The following ARL5B variants were observed in gnomAD, a reference collection of about 807,000 sequenced individuals.
ARL5B encodes ARF like GTPase 5B, also known as ADP-ribosylation factor-like protein 5B.
A neutral mutation model predicts 26.9 loss-of-function variants in ARL5B; 10 were observed. The observed-to-expected ratio is 0.37, with a 90% CI of 0.23 to 0.63. The LOEUF is 0.63. Ranked by LOEUF, ARL5B falls within the 30% of genes least tolerant of loss-of-function variation. ARL5B has a pLI of 0.62. For synonymous variants in ARL5B, 87 were observed against 70.4 expected, an observed-to-expected ratio of 1.24 and a Z score of -1.18; for missense variants, 167 against 213.9, an observed-to-expected ratio of 0.78 and a Z score of 1.37.
intron 2 of ARL5B, among the ~76,000 whole-genome samples, chr10:18,667,683 C>A (rs1390749215): frequency 6.6e-6 from 1 of 151,654 alleles, no homozygotes; most frequent in East Asian, 1.9e-4. Context: ...GGGGTATGAG[C>A]ATCAGTATTC....
intron 4 of ARL5B, among the ~76,000 whole-genome samples, chr10:18,673,187 G>A (rs1323638359): frequency 1.3e-5 from 2 of 151,786 alleles, no homozygotes; most frequent in Admixed American, 6.6e-5. Context: ...TCAGCCTCCC[G>A]AGTAGCTGGG....
chr10:18,675,199 C>G lies in ARL5B; in HGVS notation c.523C>G (p.Arg175Gly), dbSNP rs571052432. 6.8e-6 allele frequency: 11 copies of G among 1,613,324 alleles called. No homozygotes were observed. Among genetic ancestry groups the G allele is most frequent in the Non-Finnish European group, 9.3e-6 (11 of 1,179,416 alleles). ...LCQGLEWMTS[R>G]IGVR ...CCAAGGTCTAGAGTGGATGACCTCC[C>G]GGATTGGTGTGAGATAACTTTTTTG... The change falls in exon 6 of 6, where the codon CGG becomes GGG. Residue 175 changes from arginine to glycine, a missense_variant. Arg to Gly is a moderately radical substitution (Grantham distance 125). Transcript: ENST00000377275.
Position 18,668,656 on chromosome 10 carries a change from C to T in ARL5B, c.234C>T (p.Asn78=). The T allele has an allele frequency of 6.2e-7, 1 of 1,613,880 alleles. No individual in the cohort carries two copies. Among genetic ancestry groups the T allele is most frequent in the African/African-American group, 1.3e-5 (1 of 74,968 alleles). The change falls in exon 3 of 6, where the codon AAC becomes AAT. Residue 78 remains asparagine (N), a synonymous_variant. Coordinates refer to ENST00000377275, the MANE Select transcript of ARL5B (RefSeq NM_178815.5). ...GGQESLRSSW[N]TYYSNTEFII... ...AGGAGTCTCTGCGATCATCCTGGAA[C>T]ACATATTACTCAAATACAGAGGTAT...
In ARL5B at chr10:18,659,700, T is replaced by C; in HGVS notation, c.46+17T>C. 11 of 1,610,154 alleles carry C rather than the reference T, an allele frequency of 6.8e-6. No homozygotes were observed. The highest frequency in any genetic ancestry group is 9.3e-6 in the Non-Finnish European group (11 of 1,178,476). ...GTAACCAAGGTGAGAAGAATGGAGC[T>C]GCGCGGCGGCTCGAATCCGAGGCAG... On this transcript the variant is annotated intron_variant, in intron 1 of 5. Coordinates refer to ENST00000377275, the MANE Select transcript of ARL5B (RefSeq NM_178815.5).
chr10:18,666,203 A>T (rs1212720216), intron 1 of ARL5B, among the ~76,000 whole-genome samples: 1 of 152,232 alleles, frequency 6.6e-6, no homozygotes, highest in Non-Finnish European at 1.5e-5. Flanking sequence ...CTTGATTGGT[A>T]CAGAGCTAAA....
At chr10:18,662,266 C>T (rs534035085) in intron 1 of ARL5B, among the ~76,000 whole-genome samples, 1 of 152,356 alleles carries the variant, frequency 6.6e-6, no homozygotes, top group East Asian at 1.9e-4. Context: ...ACTGATCTTA[C>T]TTTATGTGCT....
chr10:18,671,888 G>A lies in ARL5B; in HGVS notation c.256-734G>A, dbSNP rs575411254. Among the ~76,000 whole-genome samples, 3 of 152,232 alleles carry A rather than the reference G, an allele frequency of 2.0e-5. No homozygotes were observed. In the South Asian group the frequency reaches 6.2e-4, roughly 32 times the overall value. ...GCTAGTCTCAAACTCCTGGGCTCAAGCAGTCATCCCACCTCACCTCCCAGA... is the reference window on the plus strand; with the variant it reads ...GCTAGTCTCAAACTCCTGGGCTCAAACAGTCATCCCACCTCACCTCCCAGA... On this transcript the variant is annotated intron_variant, in intron 3 of 5. Transcript: ENST00000377275.
intron 1 of ARL5B, chr10:18,659,908 G>C: frequency 1.0e-6 from 1 of 985,360 alleles, no homozygotes; most frequent in Non-Finnish European, 1.2e-6. Flanking sequence ...TGGCGTCCCA[G>C]AATCCAAACT....
At chr10:18,663,029 T>A (rs1564863038) in intron 1 of ARL5B, among the ~76,000 whole-genome samples, 1 of 147,370 alleles carries the variant, frequency 6.8e-6, no homozygotes, top group Non-Finnish European at 1.5e-5. Context: ...TTTTATTTAT[T>A]ATTGTTATAT....
rs755056319 is a variant in ARL5B, at chr10:18,679,488, G to A, written c.*4272G>A. On this transcript the variant is annotated 3_prime_UTR_variant, in exon 6 of 6. Transcript: ENST00000377275. ...TATTCAAGGTTAGTTTTTCAGTAGC[G>A]TCTCCTCCTTATTCATTCACTTTTA... 31 of 151,730 alleles carry A rather than the reference G, an allele frequency of 2.0e-4. No homozygotes were observed. The highest frequency in any genetic ancestry group is 6.6e-5 in the Admixed American group (1 of 15,198). 9.4% of individuals were successfully genotyped at this position (151,730 alleles called of 1,614,324 possible).
intron 3 of ARL5B, among the ~76,000 whole-genome samples, chr10:18,671,133 C>T (rs571700043): frequency 7.9e-5 from 12 of 152,122 alleles, no homozygotes; most frequent in Non-Finnish European, 1.8e-4. Flanking sequence ...CTTCTAAGCC[C>T]AACTCAGTTT....
rs148636273 is a variant in ARL5B, at chr10:18,676,559, C to T, written c.*1343C>T. On this transcript the variant is annotated 3_prime_UTR_variant, in exon 6 of 6. Coordinates refer to ENST00000377275, the MANE Select transcript of ARL5B (RefSeq NM_178815.5). ...GGAAAGACAAGTGTCGTATTTCGAT[C>T]CTGTTTATTCAAATGTGTGATTTTG... The T allele has an allele frequency of 3.7e-3, 569 of 151,902 alleles. 3 individuals are homozygous for T. Among genetic ancestry groups the T allele is most frequent in the African/African-American group, 0.012 (518 of 41,468 alleles). The allele number at this position is 151,902 out of a possible 1,614,324, so 9.4% of individuals were successfully genotyped here. A position where few individuals can be genotyped will look rare whatever the true frequency, so the allele number is the denominator to read the frequency against.
chr10:18,668,632 G>A lies in ARL5B; in HGVS notation c.210G>A (p.Gln70=). 1 of 1,614,150 alleles carries A rather than the reference G, an allele frequency of 6.2e-7. No individual in the cohort carries two copies. The highest frequency in any genetic ancestry group is 8.5e-7 in the Non-Finnish European group (1 of 1,180,028). The change falls in exon 3 of 6, where the codon CAG becomes CAA. Residue 70 remains glutamine, a synonymous_variant. Transcript: ENST00000377275. The stretch of plus-strand genomic sequence containing the variant: ...TTCTTATGTGGGATATTGGTGGTCA[G>A]GAGTCTCTGCGATCATCCTGGAACA... The part of the protein sequence containing the change: ...THFLMWDIGG[Q]ESLRSSWNTY...
intron 1 of ARL5B, among the ~76,000 whole-genome samples, chr10:18,664,146 G>A (rs967261551): frequency 1.3e-5 from 2 of 151,720 alleles, no homozygotes; most frequent in African/African-American, 2.4e-5. Flanking sequence ...TAGAGACGGA[G>A]TTTCACCAAA....
chr10:18,676,034 G>A lies in ARL5B; in HGVS notation c.*818G>A, dbSNP rs1019246138. The A allele has an allele frequency of 6.6e-6, 1 of 152,112 alleles. No individual in the cohort carries two copies. Among genetic ancestry groups the A allele is most frequent in the African/African-American group, 2.4e-5 (1 of 41,410 alleles). The allele number at this position is 152,112 out of a possible 1,614,324, so 9.4% of individuals were successfully genotyped here. A position where few individuals can be genotyped will look rare whatever the true frequency, so the allele number is the denominator to read the frequency against. The stretch of plus-strand genomic sequence containing the variant: ...TATCAGAAGTTAGTAAATCATACCA[G>A]CACTAAAAATAAGACAATTGGAATA... On this transcript the variant is annotated 3_prime_UTR_variant, in exon 6 of 6. Coordinates refer to ENST00000377275, the MANE Select transcript of ARL5B (RefSeq NM_178815.5).
At chr10:18,666,467 T>C in intron 1 of ARL5B, 108 bp from the exon 2 acceptor site, 1 of 866,844 alleles carries the variant, frequency 1.2e-6, no homozygotes, top group Non-Finnish European at 1.7e-6. Flanking sequence ...GTGATAGATA[T>C]TCAGTGAATG....
rs773786528 is a variant in ARL5B at position 18,674,061 on chromosome 10, G to C, written c.417G>C (p.Ser139=). ...GGTGTATGACAGCAGCTGAAATCTC[G>C]AAATACCTCACCCTTAGTTCAATTA... ...MKGCMTAAEI[S]KYLTLSSIKD... The change falls in exon 5 of 6, where the codon TCG becomes TCC. Residue 139 remains serine, a synonymous_variant. Transcript: ENST00000377275. The C allele has an allele frequency of 2.5e-6, 4 of 1,613,126 alleles. No individual in the cohort carries two copies. Among genetic ancestry groups the C allele is most frequent in the Middle Eastern group, 1.7e-4 (1 of 6,056 alleles).
At chr10:18,662,893 G>A (rs974467426) in intron 1 of ARL5B, among the ~76,000 whole-genome samples, 1 of 151,736 alleles carries the variant, frequency 6.6e-6, no homozygotes, top group Non-Finnish European at 1.5e-5. Context: ...AGTAGAGGTG[G>A]GGTTTCACCA....
At chr10:18,660,462 A>G (rs1346858206) in intron 1 of ARL5B, among the ~76,000 whole-genome samples, 1 of 152,218 alleles carries the variant, frequency 6.6e-6, no homozygotes, top group African/African-American at 2.4e-5. Flanking sequence ...TCCTTTGAAC[A>G]GAATGGTTTC....
Sources: gnomAD v4.1 joint callset for allele counts (sites outside exome capture counted in the v4.1 genomes callset) on GRCh38, gnomAD v4.1.1 for gene constraint, MANE v1.5 for transcripts, NCBI Gene and HGNC (gene_info 2026-07-23, HGNC 2026-07-21) for gene names.